CFAP20DC: variants seen among roughly 807,000 people sequenced by gnomAD.
CFAP20DC encodes protein CFAP20DC.
CFAP20DC carries 84 observed loss-of-function variants against 101.7 expected under a neutral mutation model. That is an observed-to-expected ratio of 0.83 (90% CI 0.69 to 0.99). The LOEUF is 0.99. CFAP20DC is among the 50% of genes least tolerant of loss of function. The pLI is 0.00. For missense variants in CFAP20DC, 1,007 were observed against 970.3 expected (o/e 1.04, Z -0.50); for synonymous variants, 359 against 351.2 (o/e 1.02, Z -0.25).
At chr3:59,046,517 C>G (rs1311790498) in intron 2 of CFAP20DC, among the ~76,000 whole-genome samples, 195 bp from the exon 3 acceptor site, 1 of 151,996 alleles carries the variant, frequency 6.6e-6, no homozygotes, top group African/African-American at 2.4e-5. Flanking sequence ...GGACAAAGAG[C>G]AAGGGCATTC....
chr3:58,915,363 T>C (rs1220519281), intron 5 of CFAP20DC, among the ~76,000 whole-genome samples: 2 of 151,960 alleles, frequency 1.3e-5, no homozygotes, highest in African/African-American at 4.8e-5. Flanking sequence ...AGTGTTGGGG[T>C]TTCTAGATAT....
intron 4 of CFAP20DC, among the ~76,000 whole-genome samples, chr3:58,992,058 A>G (rs779705902): frequency 1.3e-5 from 2 of 152,180 alleles, no homozygotes; most frequent in Non-Finnish European, 2.9e-5. Context: ...TGGCAACCCT[A>G]TGAAATGGGT....
At chr3:58,866,392 T>C (rs1042522809) in intron 11 of CFAP20DC, 174 bp downstream of exon 11, 4 of 516,084 alleles carry the variant, frequency 7.8e-6, no homozygotes, top group African/African-American at 6.0e-5. Context: ...AAAAATACTC[T>C]TTCATCCATT....
At position 58,897,995 on chromosome 3, in the gene CFAP20DC, C is replaced by G. The variant is rs561451309; in HGVS notation, c.551-13286G>C. Among the ~76,000 whole-genome samples, 1 of 152,134 alleles carries G rather than the reference C, an allele frequency of 6.6e-6. No individual in the cohort carries two copies. Among genetic ancestry groups the G allele is most frequent in the Admixed American group, 6.5e-5 (1 of 15,274 alleles). On this transcript the variant is annotated intron_variant, in intron 6 of 16. Transcript: ENST00000482387. The surrounding 1 kb of genome is among the most constrained non-coding windows in gnomAD (Gnocchi z 4.4). ...TGTTTTCCAACTTGGTTCCATCTCC[C>G]GGTCTCTTTCAGGTACCTCAGTCAG...
At chr3:58,967,947 T>A (rs2091688674) in intron 4 of CFAP20DC, among the ~76,000 whole-genome samples, 1 of 152,202 alleles carries the variant, frequency 6.6e-6, no homozygotes. Flanking sequence ...CACTTATAAG[T>A]GAGAACATGC....
chr3:59,036,902 CA>C (rs1232485705), intron 4 of CFAP20DC, among the ~76,000 whole-genome samples: 1 of 152,160 alleles, frequency 6.6e-6, no homozygotes, highest in African/African-American at 2.4e-5. Flanking sequence ...CTACAGTAAC[CA>C]AAACAGTATG....
intron 4 of CFAP20DC, among the ~76,000 whole-genome samples, chr3:58,982,873 AG>A (rs986313259): frequency 2.6e-5 from 4 of 152,146 alleles, no homozygotes; most frequent in African/African-American, 9.7e-5. Flanking sequence ...AAACAAAAAA[AG>A]TTTCTAGAAT....
rs548910519 is a variant in CFAP20DC, at chr3:58,912,434, GTGCTT to G, written c.550+1269_550+1273del. On this transcript the variant is annotated intron_variant, in intron 6 of 16. Coordinates refer to ENST00000482387, the MANE Select transcript of CFAP20DC (RefSeq NM_001394063.1). This position sits in a 1 kb window ranked among gnomAD's most constrained non-coding sequence, Gnocchi z 4.4. Reference sequence around the variant, plus strand: ...TTTGGAGAGCTGTTAATACACTGCTGTGCTTTATTATCAAATGAAATTTATAGGCA... The same window carrying G: ...TTTGGAGAGCTGTTAATACACTGCTGTATTATCAAATGAAATTTATAGGCA... 1.8e-3 allele frequency: 410 copies of G among 231,964 alleles called. 1 individual carries two copies. The highest frequency in any genetic ancestry group is 5.1e-3 in the South Asian group (89 of 17,448). The allele number at this position is 231,964 out of a possible 1,614,324, so 14.4% of individuals were successfully genotyped here. A position where few individuals can be genotyped will look rare whatever the true frequency, so the allele number is the denominator to read the frequency against.
intron 14 of CFAP20DC, among the ~76,000 whole-genome samples, chr3:58,808,590 G>C (rs536803890): frequency 2.0e-5 from 3 of 152,274 alleles, no homozygotes; most frequent in Non-Finnish European, 2.9e-5. Flanking sequence ...GGACCAACCA[G>C]TACCAGCCAC....
In CFAP20DC at chr3:58,811,135, T is replaced by C. The variant is rs547394447; in HGVS notation, c.2176-4679A>G. Among the ~76,000 whole-genome samples the C allele has an allele frequency of 3.5e-3, 529 of 152,126 alleles. 5 individuals carry two copies. The highest frequency in any genetic ancestry group is 0.012 in the African/African-American group (501 of 41,496). ...GTGAAAATGGCCATACTGCCCAAGG[T>C]AATTTATAGATGCAATGCCATCCCC... On this transcript the variant is annotated intron_variant, in intron 14 of 16. Transcript: ENST00000482387.
chr3:58,841,197 C>G (rs899236354), intron 13 of CFAP20DC, among the ~76,000 whole-genome samples: 3 of 152,168 alleles, frequency 2.0e-5, no homozygotes, highest in African/African-American at 7.2e-5. Context: ...GACTCTCAAA[C>G]AGGTGTTTTG....
Position 58,980,783 on chromosome 3 carries a change from T to C in CFAP20DC, c.279-43021A>G, listed in dbSNP as rs572643495. Among the ~76,000 whole-genome samples, 5 of 152,318 alleles carry C rather than the reference T, an allele frequency of 3.3e-5. No homozygotes were observed. The South Asian group carries it at 8.3e-4, about 25-fold the overall frequency. On this transcript the variant is annotated intron_variant, in intron 4 of 16. Transcript: ENST00000482387. ...GGGCAAAAACTAGAGGCATTACCTT[T>C]GAAAACTGGCACAAGACAGGGATGC...
At chr3:59,045,395 A>C (rs1195244110) in intron 3 of CFAP20DC, among the ~76,000 whole-genome samples, 1 of 152,106 alleles carries the variant, frequency 6.6e-6, no homozygotes, top group East Asian at 1.9e-4. Context: ...TAAAAAAAAA[A>C]CTTTATATTT....
At chr3:58,848,086 G>T (rs2077873320) in intron 13 of CFAP20DC, among the ~76,000 whole-genome samples, 1 of 144,542 alleles carries the variant, frequency 6.9e-6, no homozygotes, top group Non-Finnish European at 1.5e-5. Context: ...GTTAGTGGGT[G>T]CAGTGCACCA....
chr3:58,991,571 T>A (rs1257129584), intron 4 of CFAP20DC, among the ~76,000 whole-genome samples: 2 of 152,164 alleles, frequency 1.3e-5, no homozygotes, highest in African/African-American at 4.8e-5. Context: ...AATTTTTCTA[T>A]GAACGGGGTA....
At chr3:58,811,631 G>A (rs2074645200) in intron 14 of CFAP20DC, among the ~76,000 whole-genome samples, 1 of 152,092 alleles carries the variant, frequency 6.6e-6, no homozygotes, top group African/African-American at 2.4e-5. Context: ...TTACCATTCA[G>A]GACATAGGCA....
At chr3:58,727,922 G>A (rs983096317) in intron 3 of CFAP20DC, 1 of 152,228 alleles carries the variant, frequency 6.6e-6, no homozygotes, top group African/African-American at 2.4e-5. Flanking sequence ...AAAAAATCAA[G>A]TGGCAAAGTA....
chr3:58,755,784 C>T (rs2068905357), intron 15 of CFAP20DC, among the ~76,000 whole-genome samples: 1 of 152,098 alleles, frequency 6.6e-6, no homozygotes, highest in Admixed American at 6.5e-5. Context: ...ATCATATTTG[C>T]TCTCTATCTC....
At position 58,914,503 on chromosome 3, in the gene CFAP20DC, G is replaced by GA. The variant is rs980792906; in HGVS notation, c.394-640dup. 2.1e-4 allele frequency among the ~76,000 whole-genome samples: 32 copies of GA among 151,060 alleles called. No individual in the cohort carries two copies. The highest frequency in any genetic ancestry group is 4.2e-4 in the South Asian group (2 of 4,788). On this transcript the variant is annotated intron_variant, in intron 5 of 16. Transcript: ENST00000482387. This position sits in a 1 kb window ranked among gnomAD's most constrained non-coding sequence, Gnocchi z 4.9. ...AATTTTCTGAATGGTTAAAGAAAAT[G>GA]AAAAAAAATCATTTGGCAAGAAACA...
Sources: allele counts gnomAD v4.1 joint callset (sites outside exome capture counted in the v4.1 genomes callset), GRCh38; gene constraint gnomAD v4.1.1; non-coding constraint Gnocchi (gnomAD v3.1); transcripts MANE v1.5; gene names NCBI Gene and HGNC (gene_info 2026-07-23, HGNC 2026-07-21).